Variants in PTPN14 observed in about 807,000 individuals in gnomAD.
PTPN14 encodes protein tyrosine phosphatase non-receptor type 14, also known as tyrosine-protein phosphatase non-receptor type 14.
Under a neutral mutation model 126.8 loss-of-function variants are expected in PTPN14, and 53 were observed. The ratio of observed to expected loss-of-function variants is 0.42; its 90% CI spans 0.34 to 0.53. The LOEUF is 0.53. Ranked by LOEUF, PTPN14 falls within the 20% of genes least tolerant of loss-of-function variation. The pLI is 0.08. For synonymous variants in PTPN14, 630 were observed against 599.3 expected (o/e 1.05, Z -0.75); for missense variants, 1,257 against 1,552.9 (o/e 0.81, Z 3.20).
chr1:214,453,348 A>AT (rs1267614029), intron 2 of PTPN14, among the ~76,000 whole-genome samples: 3 of 152,212 alleles, frequency 2.0e-5, no homozygotes, highest in Non-Finnish European at 4.4e-5. Flanking sequence ...AGGAAATGAA[A>AT]TGTGGCTGAA....
intron 1 of PTPN14, among the ~76,000 whole-genome samples, chr1:214,476,688 C>T (rs1660874411): frequency 6.6e-6 from 1 of 152,180 alleles, no homozygotes; most frequent in African/African-American, 2.4e-5. Flanking sequence ...GCAAGCCTCA[C>T]CCAGAAGCAG....
At chr1:214,379,084 G>A (rs977851579) in intron 13 of PTPN14, among the ~76,000 whole-genome samples, 2 of 152,156 alleles carry the variant, frequency 1.3e-5, no homozygotes, top group Non-Finnish European at 2.9e-5. Flanking sequence ...AAGCCACGAA[G>A]GGCCTTTCCT....
chr1:214,545,148 A>C (rs1655939008), intron 1 of PTPN14, among the ~76,000 whole-genome samples: 1 of 152,218 alleles, frequency 6.6e-6, no homozygotes, highest in Non-Finnish European at 1.5e-5. Context: ...GTACTCAAAA[A>C]AGTAAAATCT....
chr1:214,546,848 T>G (rs560260594), intron 1 of PTPN14, among the ~76,000 whole-genome samples: 1 of 152,238 alleles, frequency 6.6e-6, no homozygotes, highest in Admixed American at 6.5e-5. Flanking sequence ...AAATTTTACA[T>G]GTAAGGTTGA....
intron 18 of PTPN14, among the ~76,000 whole-genome samples, chr1:214,360,775 C>T (rs933213751): frequency 3.3e-5 from 5 of 152,180 alleles, no homozygotes; most frequent in African/African-American, 1.2e-4. Flanking sequence ...AGTTTCTCTT[C>T]TGTTATGTGA....
intron 5 of PTPN14, among the ~76,000 whole-genome samples, chr1:214,406,815 T>C (rs374698511): frequency 6.6e-6 from 1 of 152,210 alleles, no homozygotes; most frequent in South Asian, 2.1e-4. Flanking sequence ...TACAAACTCA[T>C]AAATATCATG....
At position 214,349,134 on chromosome 1, in the gene PTPN14, TAC is replaced by T. The variant is rs1657656099; in HGVS notation, c.*8786_*8787del. On this transcript the variant is annotated 3_prime_UTR_variant, in exon 19 of 19. Coordinates refer to ENST00000366956, the MANE Select transcript of PTPN14 (RefSeq NM_005401.5). ...TCTCACCCCTCCCTCTGCTTACAAC[TAC>T]AGTTTGGTAGTAAGGAGACTGGGCT... 1 of 152,218 alleles carries T rather than the reference TAC, an allele frequency of 6.6e-6. No homozygotes were observed. The highest frequency in any genetic ancestry group is 2.4e-5 in the African/African-American group (1 of 41,456). 9.4% of individuals were successfully genotyped at this position (152,218 alleles called of 1,614,324 possible).
intron 1 of PTPN14, among the ~76,000 whole-genome samples, chr1:214,522,484 C>A (rs1655284463): frequency 6.6e-6 from 1 of 152,158 alleles, no homozygotes; most frequent in Non-Finnish European, 1.5e-5. Flanking sequence ...AGAAAAGGAA[C>A]AAGCAGGATA....
chr1:214,413,659 A>T (rs1287480322), intron 4 of PTPN14, among the ~76,000 whole-genome samples: 2 of 152,082 alleles, frequency 1.3e-5, no homozygotes, highest in Non-Finnish European at 2.9e-5. Flanking sequence ...TTGCTTTTTT[A>T]AAAAAATGTT....
At chr1:214,516,030 T>C (rs1240956795) in intron 1 of PTPN14, among the ~76,000 whole-genome samples, 1 of 152,160 alleles carries the variant, frequency 6.6e-6, no homozygotes, top group Non-Finnish European at 1.5e-5. Flanking sequence ...AATACCTAGG[T>C]ATAATTTCCT....
chr1:214,498,713 T>G (rs909748325), intron 1 of PTPN14, among the ~76,000 whole-genome samples: 1 of 152,198 alleles, frequency 6.6e-6, no homozygotes, highest in Non-Finnish European at 1.5e-5. Flanking sequence ...TTGCTGATAA[T>G]TTGGTATAAT....
rs767551769 is a variant in PTPN14, at chr1:214,376,225, G to A, written c.2901C>T (p.His967=). ...ENNTGYINAS[H]IKVVVGGAEW... ...AACAGGCTTGCCTTCTTACCTTGAT[G>A]TGGGAGGCATTAATGTATCCTGTGT... The change falls in exon 15 of 19, where the codon CAC becomes CAT. Residue 967 remains histidine, a synonymous_variant. Coordinates refer to ENST00000366956, the MANE Select transcript of PTPN14 (RefSeq NM_005401.5). 6 of 1,612,764 alleles carry A rather than the reference G, an allele frequency of 3.7e-6. No individual in the cohort carries two copies. Among genetic ancestry groups the A allele is most frequent in the Non-Finnish European group, 5.1e-6 (6 of 1,178,930 alleles).
At chr1:214,454,543 A>C (rs1021329790) in intron 2 of PTPN14, among the ~76,000 whole-genome samples, 3 of 152,182 alleles carry the variant, frequency 2.0e-5, no homozygotes, top group Non-Finnish European at 4.4e-5. Context: ...GCACACATAC[A>C]ACACACACAA....
At chr1:214,401,841 T>A in intron 6 of PTPN14, 69 bp from the exon 7 acceptor site, 3 of 1,257,794 alleles carry the variant, frequency 2.4e-6, no homozygotes, top group Middle Eastern at 1.9e-4. Context: ...ACTCTCCTGA[T>A]GGCAAATTCC....
At chr1:214,458,320 A>G (rs1334257622) in intron 2 of PTPN14, among the ~76,000 whole-genome samples, 2 of 152,120 alleles carry the variant, frequency 1.3e-5, no homozygotes, top group Non-Finnish European at 2.9e-5. Flanking sequence ...TGTTAGGACT[A>G]TAGTTGTGAG....
intron 1 of PTPN14, chr1:214,530,859 C>T (rs1041979487): frequency 6.6e-6 from 1 of 151,908 alleles, no homozygotes; most frequent in African/African-American, 2.4e-5. Context: ...AAACAAGCAC[C>T]CTATTTTACT....
chr1:214,350,503 T>A lies in PTPN14; in HGVS notation c.*7419A>T, dbSNP rs1315761561. On this transcript the variant is annotated 3_prime_UTR_variant, in exon 19 of 19. Coordinates refer to ENST00000366956, the MANE Select transcript of PTPN14 (RefSeq NM_005401.5). ...CCTGCTTGCTGAGTTTTCTAGCTAT[T>A]TTCATTCTGGTTATTTTCATCCGCC... The A allele has an allele frequency of 2.0e-5, 3 of 151,980 alleles. No homozygotes were observed. Among genetic ancestry groups the A allele is most frequent in the Non-Finnish European group, 4.4e-5 (3 of 68,206 alleles). 9.4% of individuals were successfully genotyped at this position (151,980 alleles called of 1,614,324 possible).
At chr1:214,471,462 A>G (rs910955247) in intron 1 of PTPN14, among the ~76,000 whole-genome samples, 10 of 152,214 alleles carry the variant, frequency 6.6e-5, no homozygotes, top group Admixed American at 6.5e-4. Flanking sequence ...AGTAAATGAG[A>G]AAACAGTGCT....
At chr1:214,441,686 T>C (rs1228366904) in intron 3 of PTPN14, among the ~76,000 whole-genome samples, 1 of 152,222 alleles carries the variant, frequency 6.6e-6, no homozygotes, top group Non-Finnish European at 1.5e-5. Flanking sequence ...GGATGTCTCT[T>C]AAAAATTCAT....
Sources: gnomAD v4.1 joint callset for allele counts (sites outside exome capture counted in the v4.1 genomes callset) on GRCh38, gnomAD v4.1.1 for gene constraint, MANE v1.5 for transcripts, NCBI Gene and HGNC (gene_info 2026-07-23, HGNC 2026-07-21) for gene names.